The following STAT3 variants were observed in gnomAD, a reference collection of about 807,000 sequenced individuals.
The protein encoded by STAT3 is signal transducer and activator of transcription 3, also known as DNA-binding protein APRF.
A neutral mutation model predicts 114.3 loss-of-function variants in STAT3; 7 were observed. The observed-to-expected ratio is 0.06, with a 90% confidence interval of 0.03 to 0.11. The LOEUF (loss-of-function observed/expected upper bound fraction) is 0.11, where lower values mean the gene tolerates loss of function less well. Ranked by LOEUF, STAT3 falls within the 10% of genes least tolerant of loss-of-function variation. The probability of loss-of-function intolerance (pLI) is 1.00; values close to 1 mark genes in which losing one functional copy is unlikely to be tolerated. For synonymous variants in STAT3, 331 were observed against 354.5 expected, an observed-to-expected ratio of 0.93 and a Z score of 0.74; for missense variants, 364 against 960.9, an observed-to-expected ratio of 0.38 and a Z score of 8.21.
At chr17:42,354,172 CTTTTTTTTTTT>C (rs1212253278) in intron 1 of STAT3, among the ~76,000 whole-genome samples, 2 of 108,678 alleles carry the variant, frequency 1.8e-5, no homozygotes, top group Non-Finnish European at 3.9e-5. Context: ...TAATTGTGTT[CTTTTTTTTTTT>C]TTTTTTTTTG....
At chr17:42,358,785 ACT>A (rs1306783426) in intron 1 of STAT3, among the ~76,000 whole-genome samples, 1 of 151,534 alleles carries the variant, frequency 6.6e-6, no homozygotes, top group East Asian at 1.9e-4. Context: ...AAAACAGGGA[ACT>A]CTCTCTCCTT....
At chr17:42,376,132 CAG>C (rs2084441849) in intron 1 of STAT3, among the ~76,000 whole-genome samples, 1 of 131,558 alleles carries the variant, frequency 7.6e-6, no homozygotes, top group Admixed American at 8.4e-5. Flanking sequence ...GCCTGGGTGA[CAG>C]AGTGAGACTC....
At chr17:42,345,164 C>T (rs2082638561) in intron 4 of STAT3, among the ~76,000 whole-genome samples, 2 of 151,798 alleles carry the variant, frequency 1.3e-5, no homozygotes, top group South Asian at 4.2e-4. Context: ...ACTCTTGAGG[C>T]TGAGGCAGGA....
At chr17:42,348,637 A>T (rs956797986) in intron 1 of STAT3, 98 bp from the exon 2 acceptor site, 3 of 1,388,314 alleles carry the variant, frequency 2.2e-6, no homozygotes, top group African/African-American at 2.8e-5. Context: ...GTCTGTGACT[A>T]GGGATAAAGA....
At chr17:42,325,715 C>G (rs2081680771) in intron 15 of STAT3, among the ~76,000 whole-genome samples, 3 of 152,144 alleles carry the variant, frequency 2.0e-5, no homozygotes, top group Admixed American at 2.0e-4. Context: ...TAGGCGTCCG[C>G]CACCATACCC....
chr17:42,371,315 G>A (rs749090851), intron 1 of STAT3, among the ~76,000 whole-genome samples: 8 of 152,058 alleles, frequency 5.3e-5, no homozygotes, highest in Non-Finnish European at 1.2e-4. Context: ...TGGGAGCCCA[G>A]AGCGACTGGG....
rs547210098 is a variant in STAT3 at position 42,317,539 on chromosome 17, T to C, written c.2102-315A>G. 8.0e-4 allele frequency: 376 copies of C among 467,484 alleles called. 3 individuals carry two copies. The highest frequency in any genetic ancestry group is 6.7e-3 in the African/African-American group (341 of 51,072). The allele number at this position is 467,484 out of a possible 1,614,324, so 29.0% of individuals were successfully genotyped here. A position where few individuals can be genotyped will look rare whatever the true frequency, so the allele number is the denominator to read the frequency against. ...GTGTCCCTTCTTTCCCTAGATTATGTAAAAGTTTAACAGCCTCCACGTGGT... is the reference window on the plus strand; with the variant it reads ...GTGTCCCTTCTTTCCCTAGATTATGCAAAAGTTTAACAGCCTCCACGTGGT... On this transcript the variant is annotated intron_variant, in intron 21 of 23. Transcript: ENST00000264657.
At chr17:42,325,139 C>T (rs772603072) in intron 15 of STAT3, 78 bp from the exon 16 acceptor site, 156 of 1,392,126 alleles carry the variant, frequency 1.1e-4, no homozygotes, top group Admixed American at 2.7e-4. Flanking sequence ...CCGCATCTCA[C>T]GGGGCTCAGA....
intron 1 of STAT3, among the ~76,000 whole-genome samples, chr17:42,368,235 C>T (rs2083911033): frequency 6.6e-6 from 1 of 152,114 alleles, no homozygotes; most frequent in Admixed American, 6.5e-5. Flanking sequence ...AAGGCATTTC[C>T]TATAAAGTTA....
chr17:42,341,740 C>A (rs1451952220), intron 4 of STAT3, among the ~76,000 whole-genome samples: 1 of 152,072 alleles, frequency 6.6e-6, no homozygotes, highest in African/African-American at 2.4e-5. Flanking sequence ...CTCTAAGGGA[C>A]AGAGGGTAAA....
In STAT3 at chr17:42,388,434, G is replaced by C; in HGVS notation, c.-179C>G. On this transcript the variant is annotated 5_prime_UTR_variant, in exon 1 of 24. Transcript: ENST00000264657. ...GGATCCGGTTGGGGCTTGTTCCCTC[G>C]GCTGCGACGTCGGAACCCCCGGCTC... 1 of 1,231,822 alleles carries C rather than the reference G, an allele frequency of 8.1e-7. No homozygotes were observed. The highest frequency in any genetic ancestry group is 1.0e-6 in the Non-Finnish European group (1 of 988,042). 76.3% of individuals were successfully genotyped at this position (1,231,822 alleles called of 1,614,324 possible). A position where few individuals can be genotyped will look rare whatever the true frequency, so the allele number is the denominator to read the frequency against.
chr17:42,334,944 T>C (rs2082171677), intron 8 of STAT3, among the ~76,000 whole-genome samples: 1 of 152,178 alleles, frequency 6.6e-6, no homozygotes, highest in African/African-American at 2.4e-5. Context: ...TTACTCATCC[T>C]AACTTGTCTA....
chr17:42,366,006 A>G (rs2083768941), intron 1 of STAT3, among the ~76,000 whole-genome samples: 1 of 152,060 alleles, frequency 6.6e-6, no homozygotes. Context: ...TCCTTTCTAA[A>G]TTATTCAGCC....
chr17:42,316,126 G>T, intron 23 of STAT3: 1 of 1,285,742 alleles, frequency 7.8e-7, no homozygotes, highest in Non-Finnish European at 9.9e-7. Context: ...AAGCATTTGA[G>T]ATTTGGTTTG....
At chr17:42,358,361 TC>T (rs1009184066) in intron 1 of STAT3, among the ~76,000 whole-genome samples, 2 of 152,146 alleles carry the variant, frequency 1.3e-5, no homozygotes, top group Admixed American at 1.3e-4. Flanking sequence ...TGAGCTGTGA[TC>T]ATACCACTGC....
At chr17:42,374,981 A>C (rs1323421951) in intron 1 of STAT3, among the ~76,000 whole-genome samples, 1 of 152,234 alleles carries the variant, frequency 6.6e-6, no homozygotes. Context: ...AGACATCTGA[A>C]ATAAGTCAAC....
intron 4 of STAT3, among the ~76,000 whole-genome samples, chr17:42,344,165 G>A (rs1294664939): frequency 1.3e-5 from 2 of 152,174 alleles, no homozygotes; most frequent in Non-Finnish European, 2.9e-5. Context: ...GCTCACGCCT[G>A]TAATCCCAGC....
chr17:42,328,883 G>GA (rs1284743829), intron 14 of STAT3, among the ~76,000 whole-genome samples: 1 of 152,142 alleles, frequency 6.6e-6, no homozygotes, highest in Non-Finnish European at 1.5e-5. Flanking sequence ...ATGAAAAGCA[G>GA]AAAATAAGGG....
Position 42,334,031 on chromosome 17 carries a change from T to C in STAT3, c.816A>G (p.Glu272=). Reference sequence around the variant, plus strand: ...TTTGTTGACGGGTCTGAAGTTGAGATTCTGCTAATGACGTTATCCTGCCAA... The same window carrying C: ...TTTGTTGACGGGTCTGAAGTTGAGACTCTGCTAATGACGTTATCCTGCCAA... ...RLENWITSLA[E]SQLQTRQQIK... Residue 272 remains glutamate (E), a synonymous_variant, in exon 9 of 24, where the codon GAA becomes GAG. Transcript: ENST00000264657. 1 of 1,614,138 alleles carries C rather than the reference T, an allele frequency of 6.2e-7. No homozygotes were observed. Among genetic ancestry groups the C allele is most frequent in the East Asian group, 2.2e-5 (1 of 44,886 alleles).
Sources: gnomAD v4.1 joint callset for allele counts (sites outside exome capture counted in the v4.1 genomes callset) on GRCh38, gnomAD v4.1.1 for gene constraint, MANE v1.5 for transcripts, NCBI Gene and HGNC (gene_info 2026-07-23, HGNC 2026-07-21) for gene names.